UBAP1: variants seen among roughly 807,000 people sequenced by gnomAD.
The protein encoded by UBAP1 is ubiquitin-associated protein 1.
In UBAP1, 5 loss-of-function variants were observed where a neutral mutation model predicts 39.0. The ratio of observed to expected loss-of-function variants is 0.13; its 90% CI spans 0.07 to 0.27. UBAP1 has a LOEUF of 0.27. UBAP1 is among the 10% of genes least tolerant of loss of function. The probability of loss-of-function intolerance (pLI) is 1.00; values close to 1 mark genes in which losing one functional copy is unlikely to be tolerated. For synonymous variants in UBAP1, 211 were observed against 225.1 expected (o/e 0.94, Z 0.56); for missense variants, 490 against 608.1 (o/e 0.81, Z 2.04).
chr9:34,234,671 C>T (rs1587868799), intron 3 of UBAP1, among the ~76,000 whole-genome samples: 1 of 151,888 alleles, frequency 6.6e-6, no homozygotes. Flanking sequence ...CACATAGTGA[C>T]GTAGTAGCCA....
intron 3 of UBAP1, among the ~76,000 whole-genome samples, chr9:34,236,952 GTAC>G (rs1304658151): frequency 6.6e-6 from 1 of 152,054 alleles, no homozygotes; most frequent in East Asian, 1.9e-4. Context: ...GTTAGACCTT[GTAC>G]GTTATCTCTC....
At position 34,179,129 on chromosome 9, in the gene UBAP1, T is replaced by G; in HGVS notation, c.-119T>G. On this transcript the variant is annotated 5_prime_UTR_variant, in exon 1 of 7. Transcript: ENST00000297661. ...CCGGAGCGGGCAGAGTTGGAGGTGG[T>G]GGCGTTCGCTCTCCCTAGGGGCTGT... 7.9e-7 allele frequency: 1 copy of G among 1,265,212 alleles called. No individual in the cohort carries two copies. Among genetic ancestry groups the G allele is most frequent in the Non-Finnish European group, 1.0e-6 (1 of 1,003,500 alleles). The allele number at this position is 1,265,212 out of a possible 1,614,324, so 78.4% of individuals were successfully genotyped here.
At chr9:34,218,113 G>A (rs371719776) in intron 1 of UBAP1, among the ~76,000 whole-genome samples, 2 of 150,528 alleles carry the variant, frequency 1.3e-5, no homozygotes, top group Admixed American at 6.6e-5. Flanking sequence ...TTAGCCAGGC[G>A]TGGTGGCGGG....
Position 34,198,739 on chromosome 9 carries a change from T to A in UBAP1, c.-8+19499T>A, listed in dbSNP as rs569405921. On this transcript the variant is annotated intron_variant, in intron 1 of 6. Coordinates refer to ENST00000297661, the MANE Select transcript of UBAP1 (RefSeq NM_016525.5). ...CCCTATGAGGCAAGACAGACATGGATCTCCTGGAAAGCACCCTGGAAAGCT... is the reference window on the plus strand; with the variant it reads ...CCCTATGAGGCAAGACAGACATGGAACTCCTGGAAAGCACCCTGGAAAGCT... Among the ~76,000 whole-genome samples the A allele has an allele frequency of 3.9e-5, 6 of 152,248 alleles. No homozygotes were observed. In the East Asian group the frequency reaches 1.2e-3, roughly 29 times the overall value.
chr9:34,226,137 GT>G lies in UBAP1; in HGVS notation c.34+5190del, dbSNP rs1833080249. On this transcript the variant is annotated intron_variant, in intron 2 of 6. Coordinates refer to ENST00000297661, the MANE Select transcript of UBAP1 (RefSeq NM_016525.5). ...TGTGTGTGTGTGTGTGTGTGTGTGTGTGTGTGTGTGTGTGTGTGTGGTGGGC... is the reference window on the plus strand; with the variant it reads ...TGTGTGTGTGTGTGTGTGTGTGTGTGGTGTGTGTGTGTGTGTGTGGTGGGC... Among the ~76,000 whole-genome samples the G allele has an allele frequency of 2.1e-5, 3 of 146,118 alleles. No homozygotes were observed. The South Asian group carries it at 6.5e-4, about 32-fold the overall frequency.
chr9:34,196,416 A>C (rs573135444), intron 1 of UBAP1, among the ~76,000 whole-genome samples: 1 of 151,540 alleles, frequency 6.6e-6, no homozygotes, highest in African/African-American at 2.4e-5. Context: ...CCTGGGTTCA[A>C]GCGATTCTCC....
chr9:34,202,677 G>GTC (rs1491028496), intron 1 of UBAP1, among the ~76,000 whole-genome samples: 14 of 140,078 alleles, frequency 1.0e-4, no homozygotes, highest in Non-Finnish European at 2.0e-4. Flanking sequence ...GTGTGTGTGT[G>GTC]TCCCCGTCCC....
chr9:34,246,098 A>AT (rs1215481477), intron 4 of UBAP1, among the ~76,000 whole-genome samples: 1 of 152,072 alleles, frequency 6.6e-6, no homozygotes, highest in Non-Finnish European at 1.5e-5. Flanking sequence ...TTAAATTTTT[A>AT]TTATTTTTTT....
chr9:34,238,877 T>C (rs1833827903), intron 3 of UBAP1, among the ~76,000 whole-genome samples: 1 of 152,194 alleles, frequency 6.6e-6, no homozygotes, highest in African/African-American at 2.4e-5. Flanking sequence ...ATTCCCAAAT[T>C]GTCGATTTAG....
intron 2 of UBAP1, among the ~76,000 whole-genome samples, chr9:34,228,839 C>T (rs904154444): frequency 6.6e-6 from 1 of 151,904 alleles, no homozygotes; most frequent in Non-Finnish European, 1.5e-5. Flanking sequence ...CCTTGGCCTC[C>T]CAAAGTGCTG....
intron 2 of UBAP1, among the ~76,000 whole-genome samples, chr9:34,226,850 A>G (rs1833134853): frequency 6.6e-6 from 1 of 151,732 alleles, no homozygotes; most frequent in Non-Finnish European, 1.5e-5. Flanking sequence ...AACCATCAAA[A>G]TTTTTCTTTT....
chr9:34,219,732 C>T (rs1187471620), intron 1 of UBAP1, among the ~76,000 whole-genome samples: 2 of 71,360 alleles, frequency 2.8e-5, no homozygotes, highest in African/African-American at 5.1e-5. Flanking sequence ...CCTCCCCTCC[C>T]CCTCCCCCTT....
intron 2 of UBAP1, among the ~76,000 whole-genome samples, chr9:34,222,177 G>C (rs1341590452): frequency 3.9e-5 from 6 of 152,118 alleles, no homozygotes; most frequent in Admixed American, 1.3e-4. Context: ...TTACTAGACT[G>C]CCTGGGGACG....
At chr9:34,206,804 CT>C (rs149719918) in intron 1 of UBAP1, among the ~76,000 whole-genome samples, 1,637 of 152,100 alleles carry the variant, frequency 0.011, 35 homozygotes, top group African/African-American at 0.037. Flanking sequence ...TCGGATTCTG[CT>C]TTTTTCTAGG....
chr9:34,207,048 C>CTTTTTTTTTTTTTTTTTTTTTT (rs34197502), intron 1 of UBAP1, among the ~76,000 whole-genome samples: 4 of 90,054 alleles, frequency 4.4e-5, no homozygotes, highest in East Asian at 3.6e-4. Flanking sequence ...ATTGTTATTT[C>CTTTTTTTTTTTTTTTTTTTTTT]TTTTTTTTTT....
chr9:34,190,843 T>C (rs1412450223), intron 1 of UBAP1, among the ~76,000 whole-genome samples: 3 of 149,942 alleles, frequency 2.0e-5, no homozygotes, highest in Non-Finnish European at 4.4e-5. Flanking sequence ...AGATGGGGTT[T>C]CATCATGTTG....
chr9:34,181,506 C>G (rs917122334), intron 1 of UBAP1, among the ~76,000 whole-genome samples: 1 of 151,690 alleles, frequency 6.6e-6, no homozygotes, highest in Non-Finnish European at 1.5e-5. Flanking sequence ...GATCTCGGCT[C>G]TCTGCAAGCT....
At chr9:34,196,185 C>CTGGA (rs758668451) in intron 1 of UBAP1, among the ~76,000 whole-genome samples, 7 of 151,636 alleles carry the variant, frequency 4.6e-5, no homozygotes, top group Non-Finnish European at 8.8e-5. Flanking sequence ...GACTCCTAGG[C>CTGGA]TGGAGTGCAG....
intron 2 of UBAP1, among the ~76,000 whole-genome samples, chr9:34,230,037 A>T (rs919721760): frequency 1.3e-5 from 2 of 152,040 alleles, no homozygotes; most frequent in African/African-American, 4.8e-5. Flanking sequence ...TCTACAATAG[A>T]ACTTGGTTAT....
Sources: gnomAD v4.1 joint callset for allele counts (sites outside exome capture counted in the v4.1 genomes callset) on GRCh38, gnomAD v4.1.1 for gene constraint, MANE v1.5 for transcripts, NCBI Gene and HGNC (gene_info 2026-07-23, HGNC 2026-07-21) for gene names.